The following IL21R variants were observed in gnomAD, a reference collection of about 807,000 sequenced individuals.
The protein encoded by IL21R is interleukin 21 receptor.
In IL21R, 14 loss-of-function variants were observed where a neutral mutation model predicts 41.3. The observed-to-expected ratio is 0.34, with a 90% confidence interval of 0.22 to 0.53. The LOEUF (loss-of-function observed/expected upper bound fraction) is 0.53. Among genes scored for constraint, IL21R ranks in the 20% least tolerant of loss-of-function variants. IL21R has a pLI of 0.94. For missense variants in IL21R, 588 were observed against 681.6 expected (o/e 0.86, Z 1.53); for synonymous variants, 286 against 287.6 (o/e 0.99, Z 0.05).
At position 27,449,276 on chromosome 16, in the gene IL21R, C is replaced by A; in HGVS notation, c.1610C>A (p.Ala537Asp). 6.3e-7 allele frequency: 1 copy of A among 1,594,502 alleles called. No individual in the cohort carries two copies. The highest frequency in any genetic ancestry group is 1.1e-5 in the South Asian group (1 of 88,044). Reference protein sequence around the residue: ...PPPLSSPGPQAS With the variant: ...PPPLSSPGPQDS ...CCACTTTCGAGCCCTGGACCCCAGG[C>A]CAGCTAATGAGGCTGACTGGATGTC... Residue 537 changes from alanine (A) to aspartate (D), a missense_variant, in exon 9 of 9, where the codon GCC (alanine) becomes GAC (aspartate). By Grantham distance (126) the Ala-to-Asp change is moderately radical. Transcript: ENST00000337929.
rs1026544442 is a variant in IL21R, at chr16:27,450,629, G to T, written c.*1346G>T. ...GACAGAGTCTCACTCTCGTCGCCCA[G>T]GCTGGAATGCAGTGGTGCGATCTCG... On this transcript the variant is annotated 3_prime_UTR_variant, in exon 9 of 9. Coordinates refer to ENST00000337929, the MANE Select transcript of IL21R (RefSeq NM_181078.3). The T allele has an allele frequency of 1.8e-5, 4 of 218,122 alleles. No homozygotes were observed. The highest frequency in any genetic ancestry group is 9.1e-5 in the African/African-American group (4 of 43,932). The allele number at this position is 218,122 out of a possible 1,614,324, so 13.5% of individuals were successfully genotyped here. A position where few individuals can be genotyped will look rare whatever the true frequency, so the allele number is the denominator to read the frequency against.
chr16:27,407,942 G>T (rs552816093), intron 1 of IL21R, among the ~76,000 whole-genome samples: 1 of 152,368 alleles, frequency 6.6e-6, no homozygotes, highest in South Asian at 2.1e-4. Context: ...ACTTTGGAGT[G>T]TACGGTCTAC....
At chr16:27,442,898 C>T (rs2141305992) in intron 4 of IL21R, 64 bp from the exon 5 acceptor site, 1 of 1,481,040 alleles carries the variant, frequency 6.8e-7, no homozygotes, top group Non-Finnish European at 9.2e-7. Context: ...CCTCCCATCA[C>T]CAAATCCTTT....
At chr16:27,409,177 T>A (rs8056836) in intron 1 of IL21R, among the ~76,000 whole-genome samples, 3,160 of 147,118 alleles carry the variant, frequency 0.021, 96 homozygotes, top group African/African-American at 0.072. Flanking sequence ...ATATATATAT[T>A]TATAAAAATA....
chr16:27,419,083 C>T (rs557897593), intron 1 of IL21R, among the ~76,000 whole-genome samples: 31 of 152,010 alleles, frequency 2.0e-4, no homozygotes, highest in African/African-American at 6.3e-4. Context: ...AGCATGGTGG[C>T]GGGCGCCTGT....
chr16:27,444,789 C>G, intron 6 of IL21R, 70 bp downstream of exon 6: 1 of 1,383,360 alleles, frequency 7.2e-7, no homozygotes, highest in Non-Finnish European at 9.7e-7. Flanking sequence ...CCACCCTAAG[C>G]CCTGAGCTTT....
chr16:27,425,400 A>C (rs896310123), intron 1 of IL21R, among the ~76,000 whole-genome samples: 10 of 152,296 alleles, frequency 6.6e-5, no homozygotes, highest in Middle Eastern at 3.4e-3. Flanking sequence ...TGTTTCCCAG[A>C]AGTGAGCAGT....
intron 4 of IL21R, among the ~76,000 whole-genome samples, chr16:27,442,229 T>G (rs537081370): frequency 8.6e-6 from 1 of 115,654 alleles, no homozygotes; most frequent in East Asian, 2.5e-4. Flanking sequence ...GGCATGCATG[T>G]GTGTGGGTGT....
At chr16:27,423,429 C>T in intron 1 of IL21R, among the ~76,000 whole-genome samples, 1 of 152,170 alleles carries the variant, frequency 6.6e-6, no homozygotes, top group Non-Finnish European at 1.5e-5. Context: ...GGTAGCTTCA[C>T]CAAGCTTTAC....
At position 27,451,364 on chromosome 16, in the gene IL21R, G is replaced by C. The variant is rs1211349940; in HGVS notation, c.*2081G>C. The C allele has an allele frequency of 2.7e-5, 6 of 225,668 alleles. No homozygotes were observed. Among genetic ancestry groups the C allele is most frequent in the Non-Finnish European group, 4.4e-5 (5 of 113,360 alleles). 14.0% of individuals were successfully genotyped at this position (225,668 alleles called of 1,614,324 possible). ...GGGACTCTGGACTGGGGCAGATGAGGCTCCTCAGAATCCCACCTTTGAAGG... is the reference window on the plus strand; with the variant it reads ...GGGACTCTGGACTGGGGCAGATGAGCCTCCTCAGAATCCCACCTTTGAAGG... On this transcript the variant is annotated 3_prime_UTR_variant, in exon 9 of 9. Coordinates refer to ENST00000337929, the MANE Select transcript of IL21R (RefSeq NM_181078.3).
rs1449688721 is a variant in IL21R, at chr16:27,449,613, G to A, written c.*330G>A. 4 of 377,732 alleles carry A rather than the reference G, an allele frequency of 1.1e-5. No individual in the cohort carries two copies. Among genetic ancestry groups the A allele is most frequent in the South Asian group, 5.3e-5 (1 of 18,982 alleles). The allele number at this position is 377,732 out of a possible 1,614,324, so 23.4% of individuals were successfully genotyped here. A position where few individuals can be genotyped will look rare whatever the true frequency, so the allele number is the denominator to read the frequency against. On this transcript the variant is annotated 3_prime_UTR_variant, in exon 9 of 9. Transcript: ENST00000337929. Reference sequence around the variant, plus strand: ...TCACGGAGCTCACCCATGTGCACAAGTGTGCACAGTAAACGTGTTTGTGGT... The same window carrying A: ...TCACGGAGCTCACCCATGTGCACAAATGTGCACAGTAAACGTGTTTGTGGT...
chr16:27,437,683 G>C lies in IL21R; in HGVS notation c.348G>C (p.Glu116Asp). The change falls in exon 4 of 9, where the codon GAG becomes GAC. Residue 116 changes from glutamate to aspartate, a missense_variant. Glu to Asp is a conservative substitution (Grantham distance 45). Transcript: ENST00000337929. ...AGTGTGGCAGCTTTCTCCTGGCTGA[G>C]AGCAGTGAGTATCCTGGGACCCCAG... ...SQECGSFLLA[E>D]SIKPAPPFNV... 3 of 1,613,688 alleles carry C rather than the reference G, an allele frequency of 1.9e-6. No homozygotes were observed. Among genetic ancestry groups the C allele is most frequent in the African/African-American group, 1.3e-5 (1 of 75,058 alleles).
intron 1 of IL21R, among the ~76,000 whole-genome samples, chr16:27,406,352 G>C (rs1404506027): frequency 6.6e-6 from 1 of 152,144 alleles, no homozygotes; most frequent in Non-Finnish European, 1.5e-5. Context: ...GGCTGCAGAG[G>C]ATGGCAGGGC....
At chr16:27,439,624 CACAG>C (rs1258410850) in intron 4 of IL21R, among the ~76,000 whole-genome samples, 5 of 150,638 alleles carry the variant, frequency 3.3e-5, no homozygotes, top group South Asian at 2.1e-4. Flanking sequence ...TACACTCATG[CACAG>C]ACACACACAT....
intron 3 of IL21R, among the ~76,000 whole-genome samples, chr16:27,434,728 C>T (rs778517323): frequency 1.3e-5 from 2 of 152,154 alleles, no homozygotes; most frequent in Non-Finnish European, 1.5e-5. Flanking sequence ...AGGCCCCCAA[C>T]TACACGCTTC....
chr16:27,438,051 G>A (rs376708488), intron 4 of IL21R, among the ~76,000 whole-genome samples: 9 of 152,164 alleles, frequency 5.9e-5, no homozygotes, highest in South Asian at 4.2e-4. Flanking sequence ...TTTGAGTTGC[G>A]CTATTTTTTA....
chr16:27,440,248 TAGAGAGAGAGAGAG>T (rs1217071764), intron 4 of IL21R, among the ~76,000 whole-genome samples: 1 of 64,030 alleles, frequency 1.6e-5, no homozygotes, highest in African/African-American at 8.8e-5. Context: ...TATATATATA[TAGAGAGAGAGAGAG>T]AGAGAGAGAG....
intron 1 of IL21R, among the ~76,000 whole-genome samples, chr16:27,415,774 T>C (rs949937131): frequency 6.6e-6 from 1 of 152,250 alleles, no homozygotes; most frequent in South Asian, 2.1e-4. Context: ...ATCACCCATT[T>C]TTCTTTAGTT....
chr16:27,405,848 C>T (rs2086735826), intron 1 of IL21R, among the ~76,000 whole-genome samples: 1 of 152,264 alleles, frequency 6.6e-6, no homozygotes, highest in African/African-American at 2.4e-5. Flanking sequence ...GGGGCAGGGG[C>T]CACAAGGAGG....
Sources: gnomAD v4.1 joint callset for allele counts (sites outside exome capture counted in the v4.1 genomes callset) on GRCh38, gnomAD v4.1.1 for gene constraint, MANE v1.5 for transcripts, NCBI Gene and HGNC (gene_info 2026-07-23, HGNC 2026-07-21) for gene names.